UNC5A: variants seen among roughly 807,000 people sequenced by gnomAD.
UNC5A encodes the protein unc-5 netrin receptor A.
A neutral mutation model predicts 87.4 loss-of-function variants in UNC5A; 20 were observed. The observed-to-expected ratio is 0.23, with a 90% CI of 0.16 to 0.33. The LOEUF (loss-of-function observed/expected upper bound fraction) is 0.33. UNC5A is among the 10% of genes least tolerant of loss of function. The probability of loss-of-function intolerance (pLI) is 1.00; values close to 1 mark genes in which losing one functional copy is unlikely to be tolerated. For synonymous variants in UNC5A, 438 were observed against 482.3 expected (o/e 0.91, Z 1.20); for missense variants, 844 against 1,133.4 (o/e 0.74, Z 3.67).
In UNC5A at chr5:176,880,326, T is replaced by G. The variant is rs1758387397; in HGVS notation, c.*440T>G. 6.3e-6 allele frequency: 1 copy of G among 157,514 alleles called. No individual in the cohort carries two copies. The highest frequency in any genetic ancestry group is 2.4e-5 in the African/African-American group (1 of 41,518). 9.8% of individuals were successfully genotyped at this position (157,514 alleles called of 1,614,324 possible). A position where few individuals can be genotyped will look rare whatever the true frequency, so the allele number is the denominator to read the frequency against. On this transcript the variant is annotated 3_prime_UTR_variant, in exon 15 of 15. Transcript: ENST00000329542. The stretch of plus-strand genomic sequence containing the variant: ...TGTGCCTGCTGGGTAGGGGCACGTC[T>G]GAGGGGCCCTGCTCCAAGCCTGCAG...
rs548632953 is a variant in UNC5A at position 176,812,408 on chromosome 5, G to C, written c.70+1588G>C. Among the ~76,000 whole-genome samples the C allele has an allele frequency of 3.3e-5, 5 of 152,336 alleles. No homozygotes were observed. The South Asian group carries it at 1.0e-3, about 32-fold the overall frequency. ...ACGTGAGCACGTGTGAAGGCTGTGG[G>C]TTGACATGTGTGCCCGGGTAACCAG... is the stretch of plus-strand genomic sequence containing the variant. On this transcript the variant is annotated intron_variant, in intron 1 of 14. Coordinates refer to ENST00000329542, the MANE Select transcript of UNC5A (RefSeq NM_133369.3).
At chr5:176,826,087 G>A (rs115181550) in intron 1 of UNC5A, among the ~76,000 whole-genome samples, 3,068 of 152,280 alleles carry the variant, frequency 0.02, 93 homozygotes, top group African/African-American at 0.069. Flanking sequence ...GGTGAGGAGA[G>A]GTGTGATGAC....
chr5:176,830,883 GGTGTATGTGCTGGCGTGT>G (rs1305331586), intron 1 of UNC5A, among the ~76,000 whole-genome samples: 1 of 101,110 alleles, frequency 9.9e-6, no homozygotes, highest in Non-Finnish European at 2.1e-5. Flanking sequence ...TGTGTGTGTG[GGTGTATGTGCTGGCGTGT>G]GTGTATGTGC....
At chr5:176,843,728 C>A (rs900504333) in intron 1 of UNC5A, among the ~76,000 whole-genome samples, 6 of 152,260 alleles carry the variant, frequency 3.9e-5, no homozygotes, top group Non-Finnish European at 8.8e-5. Flanking sequence ...CCCTGACCCA[C>A]CGGGCTGCGC....
At position 176,868,802 on chromosome 5, in the gene UNC5A, G is replaced by C. The variant is rs142225907; in HGVS notation, c.559G>C (p.Glu187Gln). The C allele has an allele frequency of 5.0e-6, 8 of 1,600,884 alleles. No individual in the cohort carries two copies. The highest frequency in any genetic ancestry group is 6.8e-6 in the Non-Finnish European group (8 of 1,170,318). The change falls in exon 5 of 15, where the codon GAG (glutamate) becomes CAG (glutamine). Residue 187 changes from glutamate to glutamine, a missense_variant. Physicochemically the swap from Glu to Gln is conservative, Grantham distance 29 (BLOSUM62 2). Transcript: ENST00000329542. ...PPAEVEWLRN[E>Q]DLVDPSLDPN... ...CCCCTAGGTGGAGTGGCTCCGGAAC[G>C]AGGACCTGGTGGACCCGTCCCTGGA...
In UNC5A at chr5:176,866,999, C is replaced by T. The variant is rs2149365868; in HGVS notation, c.293-1131C>T. Among the ~76,000 whole-genome samples the T allele has an allele frequency of 6.6e-6, 1 of 152,324 alleles. No homozygotes were observed. The highest frequency in any genetic ancestry group is 1.9e-4 in the East Asian group (1 of 5,184). On this transcript the variant is annotated intron_variant, in intron 2 of 14. Coordinates refer to ENST00000329542, the MANE Select transcript of UNC5A (RefSeq NM_133369.3). The surrounding 1 kb of genome is among the most constrained non-coding windows in gnomAD (Gnocchi z 5.0). ...TGTGAGGAGGGGTCTGGGAAGCAGT[C>T]GGAGAAAGTCATGTTAGAGAAATTA... is the stretch of plus-strand genomic sequence containing the variant.
intron 1 of UNC5A, among the ~76,000 whole-genome samples, chr5:176,850,826 T>C (rs1757523485): frequency 6.6e-6 from 1 of 152,208 alleles, no homozygotes; most frequent in Non-Finnish European, 1.5e-5. Context: ...TGGTGGCCTG[T>C]GGCCTCAGTC....
Position 176,874,510 on chromosome 5 carries a change from A to G in UNC5A, c.1322A>G (p.Asn441Ser), listed in dbSNP as rs1205065869. ...CGCTCCCTGCCCCGAGGCACCAGCA[A>G]CATGACCTATGGGACCTTCAACTTC... ...YFRSLPRGTS[N>S]MTYGTFNFLG... Residue 441 changes from asparagine (N) to serine (S), a missense_variant, in exon 8 of 15, where the codon AAC becomes AGC. By Grantham distance (46) the Asn-to-Ser change is conservative. This residue lies in a region of UNC5A where 353 missense variants were observed against 387.5 expected (regional missense o/e 0.91). Transcript: ENST00000329542. This position sits in a 1 kb window ranked among gnomAD's most constrained non-coding sequence, Gnocchi z 7.6. The G allele has an allele frequency of 5.0e-6, 8 of 1,607,632 alleles. No individual in the cohort carries two copies. Among genetic ancestry groups the G allele is most frequent in the Non-Finnish European group, 6.8e-6 (8 of 1,176,114 alleles).
At chr5:176,828,797 CTGGGTGGA>C (rs1346705562) in intron 1 of UNC5A, among the ~76,000 whole-genome samples, 9 of 151,220 alleles carry the variant, frequency 6.0e-5, no homozygotes, top group Middle Eastern at 3.5e-3. Flanking sequence ...GATTGGATGG[CTGGGTGGA>C]TGGGTGGATG....
intron 1 of UNC5A, among the ~76,000 whole-genome samples, chr5:176,851,833 G>A (rs1035978136): frequency 6.6e-6 from 1 of 152,218 alleles, no homozygotes; most frequent in Non-Finnish European, 1.5e-5. Flanking sequence ...TCGGCCTTAT[G>A]GTGCGTGTGC....
At position 176,874,231 on chromosome 5, in the gene UNC5A, G is replaced by A. The variant is rs750985285; in HGVS notation, c.1076-33G>A. On this transcript the variant is annotated intron_variant, in intron 7 of 14. Coordinates refer to ENST00000329542, the MANE Select transcript of UNC5A (RefSeq NM_133369.3). This position sits in a 1 kb window ranked among gnomAD's most constrained non-coding sequence, Gnocchi z 7.6. The stretch of plus-strand genomic sequence containing the variant: ...GGCTGCTGGGGCAGGGATGCCCTAG[G>A]TGCCATTGCCTGAGTCTGTCTTTAT... 3 of 1,587,668 alleles carry A rather than the reference G, an allele frequency of 1.9e-6. No individual in the cohort carries two copies. Among genetic ancestry groups the A allele is most frequent in the African/African-American group, 2.7e-5 (2 of 74,222 alleles).
At position 176,810,717 on chromosome 5, in the gene UNC5A, C is replaced by T; in HGVS notation, c.-34C>T. 1 of 990,698 alleles carries T rather than the reference C, an allele frequency of 1.0e-6. No individual in the cohort carries two copies. The highest frequency in any genetic ancestry group is 5.5e-5 in the Admixed American group (1 of 18,242). The allele number at this position is 990,698 out of a possible 1,614,324, so 61.4% of individuals were successfully genotyped here. A position where few individuals can be genotyped will look rare whatever the true frequency, so the allele number is the denominator to read the frequency against. ...AGCCGCCCTCCCGCCCGCGGGGCCCCGCGCCCGGCCCGCCCGCCTGCCCGC... is the reference window on the plus strand; with the variant it reads ...AGCCGCCCTCCCGCCCGCGGGGCCCTGCGCCCGGCCCGCCCGCCTGCCCGC... On this transcript the variant is annotated 5_prime_UTR_variant, in exon 1 of 15. Transcript: ENST00000329542. This position sits in a 1 kb window ranked among gnomAD's most constrained non-coding sequence, Gnocchi z 7.3.
In UNC5A at chr5:176,874,162, G is replaced by A. The variant is rs746670893; in HGVS notation, c.1075+6G>A. On this transcript the variant is annotated splice_donor_region_variant and intron_variant, in intron 7 of 14. Coordinates refer to ENST00000329542, the MANE Select transcript of UNC5A (RefSeq NM_133369.3). This position sits in a 1 kb window ranked among gnomAD's most constrained non-coding sequence, Gnocchi z 7.6. Reference sequence around the variant, plus strand: ...CATCAAGCCCAGCAAAGCAGGTGAGGGGCCCCGTGCCCCCAGCACTCCTGC... The same window carrying A: ...CATCAAGCCCAGCAAAGCAGGTGAGAGGCCCCGTGCCCCCAGCACTCCTGC... The A allele has an allele frequency of 8.7e-6, 14 of 1,612,432 alleles. No homozygotes were observed. The South Asian group carries it at 1.5e-4, about 18-fold the overall frequency.
intron 1 of UNC5A, among the ~76,000 whole-genome samples, chr5:176,829,182 ATGGATGGATGGATGGATGGATGGT>A (rs1465920336): frequency 0.065 from 1,739 of 26,894 alleles, 66 homozygotes; most frequent in Non-Finnish European, 0.37. Flanking sequence ...GGATGGATGG[ATGGATGGATGGATGGATGGATGGT>A]TGGATGGATG....
chr5:176,811,882 G>A (rs955013667), intron 1 of UNC5A, among the ~76,000 whole-genome samples: 7 of 152,266 alleles, frequency 4.6e-5, no homozygotes, highest in Admixed American at 1.3e-4. Flanking sequence ...TTGGAAGGGA[G>A]CACTGGGGTT....
chr5:176,864,256 G>A (rs533451697), intron 2 of UNC5A, among the ~76,000 whole-genome samples: 8 of 152,180 alleles, frequency 5.3e-5, no homozygotes, highest in African/African-American at 1.4e-4. Flanking sequence ...GTGCAGAGGC[G>A]CAGAACAGCC....
intron 8 of UNC5A, 108 bp from the exon 9 acceptor site, chr5:176,877,084 G>A (rs984766463): frequency 1.4e-5 from 12 of 865,126 alleles, no homozygotes; most frequent in Admixed American, 2.4e-5. Flanking sequence ...TCCCCAGGCC[G>A]GGCTGGCACC....
At chr5:176,828,287 A>G (rs1453021439) in intron 1 of UNC5A, among the ~76,000 whole-genome samples, 1 of 152,160 alleles carries the variant, frequency 6.6e-6, no homozygotes, top group Admixed American at 6.5e-5. Context: ...ATTAAGAGGT[A>G]TTTGTTTTAA....
chr5:176,823,681 G>T (rs539202434), intron 1 of UNC5A, among the ~76,000 whole-genome samples: 2 of 151,970 alleles, frequency 1.3e-5, no homozygotes, highest in East Asian at 1.9e-4. Context: ...CTCCACAGGG[G>T]GGCTCTATGG....
Sources: allele counts gnomAD v4.1 joint callset (sites outside exome capture counted in the v4.1 genomes callset), GRCh38; gene constraint gnomAD v4.1.1; regional missense constraint gnomAD v4.1.1; non-coding constraint Gnocchi (gnomAD v3.1); transcripts MANE v1.5; gene names NCBI Gene and HGNC (gene_info 2026-07-23, HGNC 2026-07-21).